Variants in SH3RF3 observed in about 807,000 individuals in gnomAD.
SH3RF3 encodes E3 ubiquitin-protein ligase SH3RF3.
Under a neutral mutation model 66.3 loss-of-function variants are expected in SH3RF3, and 29 were observed. The observed-to-expected ratio is 0.44, with a 90% confidence interval of 0.33 to 0.60. The LOEUF is 0.60. Ranked by LOEUF, SH3RF3 falls within the 20% of genes least tolerant of loss-of-function variation. The pLI, the probability that SH3RF3 is intolerant of heterozygous loss-of-function variation, is 0.04. For synonymous variants in SH3RF3, 583 were observed against 532.0 expected (o/e 1.10, Z -1.32); for missense variants, 1,194 against 1,190.9 (o/e 1.00, Z -0.04).
intron 2 of SH3RF3, among the ~76,000 whole-genome samples, chr2:109,369,881 G>C (rs894092868): frequency 1.4e-4 from 22 of 152,356 alleles, no homozygotes; most frequent in Middle Eastern, 6.8e-3. Flanking sequence ...AAAGAGGCCT[G>C]TAAGTCCCGA....
At chr2:109,468,201 C>A (rs73953123) in intron 8 of SH3RF3, among the ~76,000 whole-genome samples, 8 of 152,180 alleles carry the variant, frequency 5.3e-5, no homozygotes, top group African/African-American at 1.9e-4. Flanking sequence ...TGTGACACAC[C>A]TAGGCTGTGT....
At chr2:109,255,801 G>A (rs540536845) in intron 1 of SH3RF3, among the ~76,000 whole-genome samples, 2 of 152,220 alleles carry the variant, frequency 1.3e-5, no homozygotes, top group African/African-American at 2.4e-5. Flanking sequence ...AAATGAAACC[G>A]CCCTGCCGAC....
At chr2:109,337,421 C>T (rs1682448145) in intron 1 of SH3RF3, among the ~76,000 whole-genome samples, 1 of 152,216 alleles carries the variant, frequency 6.6e-6, no homozygotes, top group African/African-American at 2.4e-5. Flanking sequence ...GTCCTTAGCG[C>T]CTTGCACTGT....
At chr2:109,491,944 G>T (rs532918357) in intron 9 of SH3RF3, among the ~76,000 whole-genome samples, 1 of 152,190 alleles carries the variant, frequency 6.6e-6, no homozygotes, top group African/African-American at 2.4e-5. Flanking sequence ...GGAATGAGAC[G>T]GGGTCTATCT....
intron 2 of SH3RF3, among the ~76,000 whole-genome samples, chr2:109,361,550 T>G (rs535929060): frequency 1.3e-5 from 2 of 152,294 alleles, no homozygotes; most frequent in East Asian, 3.9e-4. Context: ...CTTGGCTCAT[T>G]GCAACCTCCG....
At chr2:109,249,519 TTTTC>T (rs1204320971) in intron 1 of SH3RF3, among the ~76,000 whole-genome samples, 1 of 61,900 alleles carries the variant, frequency 1.6e-5, no homozygotes, top group Non-Finnish European at 3.3e-5. Context: ...CATTCTTTCT[TTTTC>T]TTTCTTTCTT....
At chr2:109,141,258 T>A (rs770773213) in intron 1 of SH3RF3, among the ~76,000 whole-genome samples, 7 of 152,220 alleles carry the variant, frequency 4.6e-5, no homozygotes, top group Non-Finnish European at 7.3e-5. Context: ...TTCCCCTCTG[T>A]GGGCCGTGCG....
chr2:109,237,996 A>C (rs1461841329), intron 1 of SH3RF3, among the ~76,000 whole-genome samples: 1 of 152,220 alleles, frequency 6.6e-6, no homozygotes, highest in African/African-American at 2.4e-5. Flanking sequence ...ACTTGAGGTC[A>C]GGAGTTCAAA....
intron 3 of SH3RF3, among the ~76,000 whole-genome samples, chr2:109,376,828 C>T (rs1683396915): frequency 6.6e-6 from 1 of 152,250 alleles, no homozygotes; most frequent in Non-Finnish European, 1.5e-5. Flanking sequence ...AGCATCTCAG[C>T]ATCTCTGACA....
chr2:109,298,595 C>T (rs906572446), intron 1 of SH3RF3, among the ~76,000 whole-genome samples: 1 of 152,080 alleles, frequency 6.6e-6, no homozygotes, highest in Non-Finnish European at 1.5e-5. Flanking sequence ...CCGGGGTCCT[C>T]AGGGAGTGCC....
chr2:109,450,361 AAAAG>A (rs34040992), intron 8 of SH3RF3, among the ~76,000 whole-genome samples: 70,545 of 150,442 alleles, frequency 0.47, 18,047 homozygotes, highest in Non-Finnish European at 0.55. Flanking sequence ...AAAAAAAAGA[AAAAG>A]AAAGAAAATC....
chr2:109,430,964 G>C (rs1343691442), intron 5 of SH3RF3, among the ~76,000 whole-genome samples: 1 of 152,220 alleles, frequency 6.6e-6, no homozygotes, highest in African/African-American at 2.4e-5. Flanking sequence ...TGAGGGCAGA[G>C]GGCCTTGCTA....
chr2:109,339,955 A>C (rs1264970821), intron 1 of SH3RF3, among the ~76,000 whole-genome samples: 2 of 152,150 alleles, frequency 1.3e-5, no homozygotes, highest in Non-Finnish European at 2.9e-5. Flanking sequence ...AGGTGGTTGG[A>C]AGCTGGTTGC....
chr2:109,377,193 TG>T (rs1458049388), intron 3 of SH3RF3, among the ~76,000 whole-genome samples: 3 of 152,186 alleles, frequency 2.0e-5, no homozygotes, highest in African/African-American at 7.2e-5. Context: ...GGGCATGTGA[TG>T]GGTGCACACT....
intron 1 of SH3RF3, among the ~76,000 whole-genome samples, chr2:109,338,123 C>T (rs545643066): frequency 2.4e-4 from 37 of 152,278 alleles, no homozygotes; most frequent in Admixed American, 9.1e-4. Context: ...CTGGTAGCTT[C>T]CCGAGTCGGA....
At chr2:109,365,739 T>G (rs1160973999) in intron 2 of SH3RF3, among the ~76,000 whole-genome samples, 1 of 152,224 alleles carries the variant, frequency 6.6e-6, no homozygotes, top group African/African-American at 2.4e-5. Context: ...TATTTAGTTT[T>G]TTTGCCTAAA....
chr2:109,231,530 C>A (rs193147818), intron 1 of SH3RF3, among the ~76,000 whole-genome samples: 124 of 152,278 alleles, frequency 8.1e-4, no homozygotes, highest in African/African-American at 2.9e-3. Flanking sequence ...GTGCTCTGTT[C>A]ATAGATTTTT....
rs1682744867 is a variant in SH3RF3 at position 109,347,697 on chromosome 2, C to T, written c.597C>T (p.Gly199=). ...AGAATCCCTGCCTGCTTCCCTATGG[C>T]AAGGCCCTCTACAGCTACGAGGGGA... ...AAKNPCLLPY[G]KALYSYEGKE... is the part of the protein sequence containing the mutation. The change falls in exon 2 of 10, where the codon GGC becomes GGT. Residue 199 remains glycine (G), a synonymous_variant. Transcript: ENST00000309415. 3 of 1,613,656 alleles carry T rather than the reference C, an allele frequency of 1.9e-6. No homozygotes were observed. Among genetic ancestry groups the T allele is most frequent in the South Asian group, 1.1e-5 (1 of 91,064 alleles).
intron 7 of SH3RF3, among the ~76,000 whole-genome samples, chr2:109,437,863 A>G (rs1437268787): frequency 6.6e-6 from 1 of 152,206 alleles, no homozygotes; most frequent in Non-Finnish European, 1.5e-5. Context: ...CTGGATTCGC[A>G]GGATGATCTG....
Sources: allele counts gnomAD v4.1 joint callset (sites outside exome capture counted in the v4.1 genomes callset), GRCh38; gene constraint gnomAD v4.1.1; transcripts MANE v1.5; gene names NCBI Gene and HGNC (gene_info 2026-07-23, HGNC 2026-07-21).